Variants in DDX52 observed in about 807,000 individuals in gnomAD.
DDX52 encodes the protein probable ATP-dependent RNA helicase DDX52.
DDX52 carries 59 observed loss-of-function variants against 76.1 expected under a neutral mutation model. The observed-to-expected ratio is 0.78, with a 90% CI of 0.63 to 0.96. DDX52 has a LOEUF of 0.96. Among genes scored for constraint, DDX52 ranks in the 40% least tolerant of loss-of-function variants. The probability of loss-of-function intolerance (pLI) is 0.00; values close to 1 mark genes in which losing one functional copy is unlikely to be tolerated. For synonymous variants in DDX52, 231 were observed against 244.1 expected (o/e 0.95, Z 0.50); for missense variants, 707 against 703.9 (o/e 1.00, Z -0.05).
At chr17:37,641,288 G>A (rs1039835650) in intron 2 of DDX52, among the ~76,000 whole-genome samples, 1 of 152,020 alleles carries the variant, frequency 6.6e-6, no homozygotes, top group African/African-American at 2.4e-5. Context: ...TGTAGTCCCA[G>A]GTACTTGGGA....
At chr17:37,629,950 GATC>G in intron 5 of DDX52, 77 bp downstream of exon 5, 1 of 1,530,960 alleles carries the variant, frequency 6.5e-7, no homozygotes. Flanking sequence ...TGCTTTTTAA[GATC>G]TTTTTATTAC....
At chr17:37,633,105 C>T (rs2030757297) in intron 3 of DDX52, among the ~76,000 whole-genome samples, 183 bp downstream of exon 3, 1 of 152,178 alleles carries the variant, frequency 6.6e-6, no homozygotes, top group African/African-American at 2.4e-5. Flanking sequence ...TTAAAATGTT[C>T]ACCCACAGCA....
In DDX52 at chr17:37,639,510, G is replaced by A. The variant is rs781131655; in HGVS notation, c.286+2600C>T. 464 of 913,726 alleles carry A rather than the reference G, an allele frequency of 5.1e-4. 1 individual carries two copies. The highest frequency in any genetic ancestry group is 5.8e-4 in the Non-Finnish European group (440 of 759,346). The allele number at this position is 913,726 out of a possible 1,614,324, so 56.6% of individuals were successfully genotyped here. On this transcript the variant is annotated intron_variant, in intron 2 of 14. Transcript: ENST00000617633. ...CCCAGCACTTTGGGAGCCCAAGGTG[G>A]GTGAATCACGAGGTCAGGAGATCGA...
intron 6 of DDX52, 52 bp from the exon 7 acceptor site, chr17:37,626,912 G>T: frequency 1.3e-6 from 2 of 1,489,060 alleles, no homozygotes; most frequent in Non-Finnish European, 1.9e-6. Flanking sequence ...TATCCCTCTT[G>T]AACTAGGAAT....
intron 2 of DDX52, among the ~76,000 whole-genome samples, chr17:37,637,825 C>T (rs1405556714): frequency 6.6e-6 from 1 of 152,220 alleles, no homozygotes; most frequent in African/African-American, 2.4e-5. Flanking sequence ...CCACCCACCT[C>T]GGCATCCCAA....
chr17:37,634,192 G>A (rs1037119359), intron 2 of DDX52, among the ~76,000 whole-genome samples: 6 of 151,124 alleles, frequency 4.0e-5, no homozygotes, highest in East Asian at 3.9e-4. Flanking sequence ...CAAGTGATCC[G>A]CCCGCCTCGG....
At chr17:37,633,198 T>G in intron 3 of DDX52, 90 bp downstream of exon 3, 1 of 1,328,350 alleles carries the variant, frequency 7.5e-7, no homozygotes, top group Non-Finnish European at 9.9e-7. Context: ...AAAACTATAT[T>G]CACATTAACA....
intron 6 of DDX52, 60 bp downstream of exon 6, chr17:37,628,501 T>C: frequency 7.5e-7 from 1 of 1,326,496 alleles, no homozygotes; most frequent in Non-Finnish European, 1.1e-6. Context: ...GCAATTAGGA[T>C]ATTTATAATT....
At position 37,633,435 on chromosome 17, in the gene DDX52, A is replaced by G. The variant is rs190316666; in HGVS notation, c.287-17T>C. 6.5e-7 allele frequency: 1 copy of G among 1,539,150 alleles called. No individual in the cohort carries two copies. Among genetic ancestry groups the G allele is most frequent in the South Asian group, 1.3e-5 (1 of 78,294 alleles). On this transcript the variant is annotated splice_polypyrimidine_tract_variant and intron_variant, in intron 2 of 14. Coordinates refer to ENST00000617633, the MANE Select transcript of DDX52 (RefSeq NM_007010.5). ...AAGCAATTTCTAAAATATATTTTTAAAAAGTAAAAGATTTTAACAGTCTAG... is the reference window on the plus strand; with the variant it reads ...AAGCAATTTCTAAAATATATTTTTAGAAAGTAAAAGATTTTAACAGTCTAG...
chr17:37,615,840 C>G (rs2064418641), intron 14 of DDX52, among the ~76,000 whole-genome samples: 2 of 151,894 alleles, frequency 1.3e-5, no homozygotes, highest in Admixed American at 1.3e-4. Flanking sequence ...ATGGTGAAAC[C>G]CCGTCTCTAC....
chr17:37,616,333 T>C (rs559211236), intron 14 of DDX52, among the ~76,000 whole-genome samples: 44 of 152,162 alleles, frequency 2.9e-4, no homozygotes, highest in Admixed American at 9.8e-4. Flanking sequence ...CCAGAAACTG[T>C]TGCGACAGAA....
chr17:37,625,895 C>G lies in DDX52; in HGVS notation c.1136G>C (p.Arg379Thr). The change falls in exon 8 of 15, where the codon AGG becomes ACG. Residue 379 changes from arginine (R) to threonine (T), a missense_variant and splice_region_variant. Transcript: ENST00000617633. Reference sequence around the variant, plus strand: ...ATAATGTTGAGAAACAATTAAATACCTTGCTCCAATGGACACACTGATGAC... The same window carrying G: ...ATAATGTTGAGAAACAATTAAATACGTTGCTCCAATGGACACACTGATGAC... ...DNVISVSIGA[R>T]NSAVETVEQE... 6.2e-7 allele frequency: 1 copy of G among 1,613,786 alleles called. No homozygotes were observed. The highest frequency in any genetic ancestry group is 8.5e-7 in the Non-Finnish European group (1 of 1,179,856).
chr17:37,626,922 T>C (rs957294209), intron 6 of DDX52, 62 bp from the exon 7 acceptor site: 21 of 1,375,434 alleles, frequency 1.5e-5, no homozygotes, highest in Non-Finnish European at 2.1e-5. Flanking sequence ...GAACTAGGAA[T>C]TAAGCCTCCT....
At chr17:37,635,269 T>C (rs2030873689) in intron 2 of DDX52, among the ~76,000 whole-genome samples, 1 of 152,132 alleles carries the variant, frequency 6.6e-6, no homozygotes, top group Non-Finnish European at 1.5e-5. Flanking sequence ...ATTTAAAGTA[T>C]CTAATTTGCT....
chr17:37,618,313 A>G lies in DDX52; in HGVS notation c.1721T>C (p.Leu574Ser). 6.3e-7 allele frequency: 1 copy of G among 1,598,660 alleles called. No individual in the cohort carries two copies. Among genetic ancestry groups the G allele is most frequent in the Non-Finnish European group, 8.5e-7 (1 of 1,176,086 alleles). ...ESISTTPKCF[L>S]EKAKDKQKKV... ...TTACTGTTTATCCTTAGCTTTTTCT[A>G]AGAAACATTTTGGAGTTGTACTAAT... is the stretch of plus-strand genomic sequence containing the variant. Residue 574 changes from leucine (L) to serine (S), a missense_variant, in exon 14 of 15, where the codon TTA becomes TCA. Leu to Ser is a moderately radical substitution (Grantham distance 145, BLOSUM62 -2). Coordinates refer to ENST00000617633, the MANE Select transcript of DDX52 (RefSeq NM_007010.5).
At chr17:37,640,155 GACAGATATACTCACATAT>G (rs2031120126) in intron 2 of DDX52, among the ~76,000 whole-genome samples, 1 of 152,250 alleles carries the variant, frequency 6.6e-6, no homozygotes, top group African/African-American at 2.4e-5. Context: ...GAATTTATGG[GACAGATATACTCACATAT>G]ACATGCAAAG....
At chr17:37,640,818 T>A (rs897333545) in intron 2 of DDX52, among the ~76,000 whole-genome samples, 1 of 151,198 alleles carries the variant, frequency 6.6e-6, no homozygotes, top group South Asian at 2.1e-4. Context: ...AAACCCCGTC[T>A]CTACTAAAAA....
chr17:37,627,690 C>T (rs1034215414), intron 6 of DDX52, among the ~76,000 whole-genome samples: 10 of 141,250 alleles, frequency 7.1e-5, no homozygotes, highest in African/African-American at 2.6e-4. Flanking sequence ...TCCAAGTGGA[C>T]AATGTCAAAA....
chr17:37,642,089 T>C (rs1347255808), intron 2 of DDX52, 21 bp downstream of exon 2: 1 of 1,609,344 alleles, frequency 6.2e-7, no homozygotes, highest in Non-Finnish European at 8.5e-7. Context: ...AGAAAAAACA[T>C]GACAGAAATC....
Sources: allele counts gnomAD v4.1 joint callset (sites outside exome capture counted in the v4.1 genomes callset), GRCh38; gene constraint gnomAD v4.1.1; transcripts MANE v1.5; gene names NCBI Gene and HGNC (gene_info 2026-07-23, HGNC 2026-07-21).